TMEM178A: variants seen among roughly 807,000 people sequenced by gnomAD.
TMEM178A encodes transmembrane protein 178.
TMEM178A carries 12 observed loss-of-function variants against 29.1 expected under a neutral mutation model. The ratio of observed to expected loss-of-function variants is 0.41; its 90% CI spans 0.26 to 0.67. The LOEUF is 0.67. Among genes scored for constraint, TMEM178A ranks in the 30% least tolerant of loss-of-function variants. The pLI is 0.29. For missense variants in TMEM178A, 366 were observed against 419.1 expected (o/e 0.87, Z 1.11); for synonymous variants, 210 against 187.2 (o/e 1.12, Z -0.99).
At chr2:39,669,356 G>A (rs1670314148) in intron 1 of TMEM178A, among the ~76,000 whole-genome samples, 1 of 152,174 alleles carries the variant, frequency 6.6e-6, no homozygotes, top group Non-Finnish European at 1.5e-5. Flanking sequence ...CAAGACAAGA[G>A]AGATATATTT....
chr2:39,672,722 A>C (rs1437793087), intron 1 of TMEM178A, among the ~76,000 whole-genome samples: 1 of 151,918 alleles, frequency 6.6e-6, no homozygotes. Flanking sequence ...AACTTTGTAG[A>C]GATGGGGTCT....
At chr2:39,698,996 T>C (rs1482227514) in intron 1 of TMEM178A, among the ~76,000 whole-genome samples, 4 of 152,194 alleles carry the variant, frequency 2.6e-5, no homozygotes, top group South Asian at 2.1e-4. Context: ...TTCTCTAAGA[T>C]TGTTAGTAAT....
intron 1 of TMEM178A, among the ~76,000 whole-genome samples, chr2:39,667,543 A>G (rs1670223992): frequency 6.6e-6 from 1 of 152,218 alleles, no homozygotes; most frequent in South Asian, 2.1e-4. Flanking sequence ...GTAGCCATGT[A>G]GGAAAACAAA....
chr2:39,716,248 C>T (rs1193343040), intron 3 of TMEM178A, among the ~76,000 whole-genome samples: 6 of 152,216 alleles, frequency 3.9e-5, no homozygotes, highest in Non-Finnish European at 8.8e-5. Flanking sequence ...GAATTGAGTA[C>T]TAAAAATCCT....
chr2:39,682,505 G>A (rs1029259200), intron 1 of TMEM178A, among the ~76,000 whole-genome samples: 1 of 151,860 alleles, frequency 6.6e-6, no homozygotes, highest in Non-Finnish European at 1.5e-5. Flanking sequence ...CCACTTTGCT[G>A]CTTCTGCTGG....
chr2:39,710,914 C>T (rs150999028), intron 3 of TMEM178A, among the ~76,000 whole-genome samples: 2 of 152,350 alleles, frequency 1.3e-5, no homozygotes, highest in East Asian at 3.9e-4. Context: ...CGATATTTCT[C>T]CTTCTGCCTT....
rs188132979 is a variant in TMEM178A, at chr2:39,699,178, A to G, written c.401-4903A>G. Among the ~76,000 whole-genome samples the G allele has an allele frequency of 3.5e-3, 531 of 151,858 alleles. 4 individuals are homozygous for G. The highest frequency in any genetic ancestry group is 0.012 in the African/African-American group (515 of 41,284). On this transcript the variant is annotated intron_variant, in intron 1 of 3. Transcript: ENST00000281961. ...GTAGCTGGGATTACAGACATGTGCC[A>G]CCATGCCTGGCTAATTTTTTGTACT...
intron 1 of TMEM178A, among the ~76,000 whole-genome samples, chr2:39,694,573 G>A (rs1277048043): frequency 1.3e-5 from 2 of 152,102 alleles, no homozygotes; most frequent in Non-Finnish European, 2.9e-5. Flanking sequence ...TTTTCATCTA[G>A]TAAACTCCCC....
chr2:39,696,590 A>G (rs1300680553), intron 1 of TMEM178A, among the ~76,000 whole-genome samples: 1 of 152,212 alleles, frequency 6.6e-6, no homozygotes, highest in Non-Finnish European at 1.5e-5. Context: ...TCACACAACT[A>G]GGATTCAAAC....
At chr2:39,728,573 A>T in the TMEM178A span, among the ~76,000 whole-genome samples, 1 of 152,218 alleles carries the variant, frequency 6.6e-6, no homozygotes, top group African/African-American at 2.4e-5. Context: ...TAAATTTTCA[A>T]AAACTTTATA....
At chr2:39,678,046 G>A (rs61064977) in intron 1 of TMEM178A, among the ~76,000 whole-genome samples, 2,457 of 152,150 alleles carry the variant, frequency 0.016, 68 homozygotes, top group African/African-American at 0.056. Context: ...GAACAGATGA[G>A]CAACTATTTG....
intron 3 of TMEM178A, among the ~76,000 whole-genome samples, chr2:39,709,722 G>T (rs1216218497): frequency 6.6e-6 from 1 of 152,118 alleles, no homozygotes; most frequent in Non-Finnish European, 1.5e-5. Flanking sequence ...TATCAAAGAG[G>T]TACAGATGTG....
chr2:39,719,459 A>T (rs1672659717), downstream of TMEM178A, among the ~76,000 whole-genome samples: 1 of 152,216 alleles, frequency 6.6e-6, no homozygotes. Context: ...GCTGGCAAGG[A>T]CTGAGGCTCC....
At chr2:39,667,607 G>A (rs1225644383) in intron 1 of TMEM178A, among the ~76,000 whole-genome samples, 1 of 152,162 alleles carries the variant, frequency 6.6e-6, no homozygotes, top group African/African-American at 2.4e-5. Context: ...AGAAAAGAGG[G>A]GGTTAATAAT....
At chr2:39,699,306 C>G (rs1041615747) in intron 1 of TMEM178A, among the ~76,000 whole-genome samples, 1 of 152,036 alleles carries the variant, frequency 6.6e-6, no homozygotes, top group African/African-American at 2.4e-5. Context: ...GGATTATGGG[C>G]ATAACCAAAT....
intron 1 of TMEM178A, chr2:39,687,544 C>G (rs1276299655): frequency 6.1e-6 from 1 of 163,268 alleles, no homozygotes; most frequent in Non-Finnish European, 1.5e-5. Context: ...CTTTTTCATG[C>G]TTCCTAGTCA....
intron 1 of TMEM178A, among the ~76,000 whole-genome samples, chr2:39,667,647 C>T (rs1047656420): frequency 2.6e-5 from 4 of 152,114 alleles, no homozygotes; most frequent in Admixed American, 6.5e-5. Context: ...TGCTAGTTGG[C>T]GGATTCTTCA....
chr2:39,714,181 G>A (rs1226503947), intron 3 of TMEM178A, among the ~76,000 whole-genome samples: 6 of 152,160 alleles, frequency 3.9e-5, no homozygotes, highest in Non-Finnish European at 7.3e-5. Context: ...CACTTTGAAA[G>A]GAGAAGAGAT....
At chr2:39,689,930 G>A (rs558415965) in intron 1 of TMEM178A, among the ~76,000 whole-genome samples, 74 of 152,340 alleles carry the variant, frequency 4.9e-4, no homozygotes, top group African/African-American at 1.8e-3. Context: ...TCACATCTCT[G>A]TCGAGGTGGC....
Sources: gnomAD v4.1 joint callset for allele counts (sites outside exome capture counted in the v4.1 genomes callset) on GRCh38, gnomAD v4.1.1 for gene constraint, MANE v1.5 for transcripts, NCBI Gene and HGNC (gene_info 2026-07-23, HGNC 2026-07-21) for gene names.